The following LETM1 variants were observed in gnomAD, a reference collection of about 807,000 sequenced individuals.
LETM1 encodes the protein leucine zipper and EF-hand containing transmembrane protein 1.
Under a neutral mutation model 74.5 loss-of-function variants are expected in LETM1, and 50 were observed. The ratio of observed to expected loss-of-function variants is 0.67; its 90% CI spans 0.53 to 0.85. The LOEUF is 0.85. Ranked by LOEUF, LETM1 falls within the 40% of genes least tolerant of loss-of-function variation. The pLI is 0.00. For missense variants in LETM1, 824 were observed against 967.8 expected, an observed-to-expected ratio of 0.85 and a Z score of 1.97; for synonymous variants, 446 against 407.1, an observed-to-expected ratio of 1.10 and a Z score of -1.15.
At chr4:1,828,703 C>T (rs1419530515) in intron 6 of LETM1, among the ~76,000 whole-genome samples, 1 of 138,346 alleles carries the variant, frequency 7.2e-6, no homozygotes, top group Non-Finnish European at 1.6e-5. Flanking sequence ...CAACCTCCCT[C>T]CCGGATGGGG....
chr4:1,815,727 G>A lies in LETM1; in HGVS notation c.2007C>T (p.Thr669=). ...TTTCATCCAGTGCTGCGGCCAGGCT[G>A]GTGAGCTTGCTTTCGGGAATGTGCT... ...QVKHIPESKL[T]SLAAALDENK... Residue 669 remains threonine (T), a synonymous_variant, in exon 13 of 14, where the codon ACC becomes ACT. Coordinates refer to ENST00000302787, the MANE Select transcript of LETM1 (RefSeq NM_012318.3). The A allele has an allele frequency of 1.2e-6, 2 of 1,614,248 alleles. No individual in the cohort carries two copies. The highest frequency in any genetic ancestry group is 1.7e-6 in the Non-Finnish European group (2 of 1,180,036).
At chr4:1,819,595 T>A in intron 10 of LETM1, 123 bp from the exon 11 acceptor site, 1 of 1,141,774 alleles carries the variant, frequency 8.8e-7, no homozygotes, top group Non-Finnish European at 1.2e-6. Context: ...CACTGGACAG[T>A]CATTGGTAAC....
intron 6 of LETM1, among the ~76,000 whole-genome samples, chr4:1,829,263 A>T (rs1370851840): frequency 7.9e-6 from 1 of 126,006 alleles, no homozygotes. Context: ...CTGGCCGGGC[A>T]GAGGGGCTCC....
chr4:1,850,953 A>AG (rs2108857699), intron 1 of LETM1, among the ~76,000 whole-genome samples: 1 of 152,028 alleles, frequency 6.6e-6, no homozygotes, highest in African/African-American at 2.4e-5. Flanking sequence ...AAAAAAAAAA[A>AG]AGAGAAGAAC....
At chr4:1,828,602 A>G (rs1460544739) in intron 6 of LETM1, among the ~76,000 whole-genome samples, 2 of 99,890 alleles carry the variant, frequency 2.0e-5, no homozygotes, top group African/African-American at 4.8e-5. Context: ...GGCCGGGCAG[A>G]GGGGCTCCTC....
intron 11 of LETM1, 123 bp downstream of exon 11, chr4:1,819,215 C>T (rs1264328648): frequency 1.1e-5 from 11 of 1,017,480 alleles, no homozygotes; most frequent in Non-Finnish European, 1.1e-5. Context: ...GTGCTTTCCT[C>T]TCCAAATACT....
At chr4:1,852,997 A>G (rs1172210810) in intron 1 of LETM1, among the ~76,000 whole-genome samples, 1 of 152,078 alleles carries the variant, frequency 6.6e-6, no homozygotes, top group East Asian at 1.9e-4. Flanking sequence ...GAGCCTCCCT[A>G]CCTGACCTCC....
At chr4:1,822,917 G>A in intron 9 of LETM1, 71 bp downstream of exon 9, 5 of 1,270,904 alleles carry the variant, frequency 3.9e-6, no homozygotes, top group Non-Finnish European at 5.0e-6. Context: ...CAAGACTGTG[G>A]GCGTGCGGGG....
Position 1,856,079 on chromosome 4 carries a change from C to CCCGTCCGA in LETM1, c.-130_-129insTCGGACGG. On this transcript the variant is annotated 5_prime_UTR_variant, in exon 1 of 14. Transcript: ENST00000302787. ...GACGGCTGACAGAGGCGGCTGGCCTCGGACGGGAGGCGCTCTCCTCAAGGA... is the reference window on the plus strand; with the variant it reads ...GACGGCTGACAGAGGCGGCTGGCCTCCCGTCCGAGGACGGGAGGCGCTCTCCTCAAGGA... 1 of 481,034 alleles carries CCCGTCCGA rather than the reference C, an allele frequency of 2.1e-6. No homozygotes were observed. Among genetic ancestry groups the CCCGTCCGA allele is most frequent in the South Asian group, 1.1e-4 (1 of 9,394 alleles). 29.8% of individuals were successfully genotyped at this position (481,034 alleles called of 1,614,324 possible).
At position 1,841,421 on chromosome 4, in the gene LETM1, C is replaced by G; in HGVS notation, c.520G>C (p.Asp174His). 1 of 1,614,208 alleles carries G rather than the reference C, an allele frequency of 6.2e-7. No individual in the cohort carries two copies. The highest frequency in any genetic ancestry group is 8.5e-7 in the Non-Finnish European group (1 of 1,180,056). Residue 174 changes from aspartate (D) to histidine (H), a missense_variant, in exon 3 of 14, where the codon GAC (aspartate) becomes CAC (histidine). Around this residue, in one of 4 missense-constraint regions of LETM1, gnomAD observed 269 missense variants for 348.8 expected, o/e 0.77. Coordinates refer to ENST00000302787, the MANE Select transcript of LETM1 (RefSeq NM_012318.3). ...AGCATGCGTGCCGCGATCTTGGTGT[C>G]GATCCATAGCAGGCGGAAGCCATGG... ...YYHGFRLLWI[D>H]TKIAARMLWR...
At chr4:1,822,649 G>T in intron 9 of LETM1, 1 of 344,036 alleles carries the variant, frequency 2.9e-6, no homozygotes, top group Non-Finnish European at 5.2e-6. Flanking sequence ...TTGAAGAGGA[G>T]CCCAGAGGCT....
intron 12 of LETM1, among the ~76,000 whole-genome samples, chr4:1,816,036 G>T (rs530695296): frequency 1.2e-3 from 183 of 152,408 alleles, no homozygotes; most frequent in Non-Finnish European, 2.0e-3. Flanking sequence ...GGTTTCCACG[G>T]GCATGTCTGC....
At position 1,814,134 on chromosome 4, in the gene LETM1, G is replaced by A; in HGVS notation, c.*290C>T. The stretch of plus-strand genomic sequence containing the variant: ...TGCTGAGACTGAGGCCACACACATG[G>A]GGGCGCCTTCCTGCCTTGGCCCAGC... On this transcript the variant is annotated 3_prime_UTR_variant, in exon 14 of 14. Transcript: ENST00000302787. 1 of 434,890 alleles carries A rather than the reference G, an allele frequency of 2.3e-6. No homozygotes were observed. The highest frequency in any genetic ancestry group is 2.2e-5 in the South Asian group (1 of 44,728). 26.9% of individuals were successfully genotyped at this position (434,890 alleles called of 1,614,324 possible). A position where few individuals can be genotyped will look rare whatever the true frequency, so the allele number is the denominator to read the frequency against.
chr4:1,830,768 G>A (rs1231016076), intron 6 of LETM1, among the ~76,000 whole-genome samples: 1 of 152,114 alleles, frequency 6.6e-6, no homozygotes, highest in East Asian at 1.9e-4. Flanking sequence ...TTGAGGCCCA[G>A]GTGCAGGGTC....
rs535818289 is a variant in LETM1 at position 1,839,550 on chromosome 4, T to C, written c.594+1797A>G. On this transcript the variant is annotated intron_variant, in intron 3 of 13. Coordinates refer to ENST00000302787, the MANE Select transcript of LETM1 (RefSeq NM_012318.3). ...ATTCAATTCAGTGGCGAGGTGCGCC[T>C]TTCCATAGGTGTGGTTAGTTATGAC... Among the ~76,000 whole-genome samples the C allele has an allele frequency of 2.6e-5, 4 of 152,348 alleles. No individual in the cohort carries two copies. The South Asian group carries it at 6.2e-4, about 24-fold the overall frequency.
At chr4:1,828,331 C>A (rs1462825123) in intron 6 of LETM1, among the ~76,000 whole-genome samples, 5 of 83,206 alleles carry the variant, frequency 6.0e-5, no homozygotes, top group Admixed American at 2.3e-4. Flanking sequence ...GGGGGGCTGA[C>A]CCCCCCCACC....
chr4:1,814,227 G>T lies in LETM1; in HGVS notation c.*197C>A. On this transcript the variant is annotated 3_prime_UTR_variant, in exon 14 of 14. Coordinates refer to ENST00000302787, the MANE Select transcript of LETM1 (RefSeq NM_012318.3). ...AGTGTGGATCCAGACACGATTCTGT[G>T]GAGGGGTTCCGGGATTCCAGACAGA... 1.1e-6 allele frequency: 1 copy of T among 871,804 alleles called. No individual in the cohort carries two copies. Among genetic ancestry groups the T allele is most frequent in the Non-Finnish European group, 1.8e-6 (1 of 569,196 alleles). The allele number at this position is 871,804 out of a possible 1,614,324, so 54.0% of individuals were successfully genotyped here.
chr4:1,832,783 C>T lies in LETM1; in HGVS notation c.1041G>A (p.Gln347=). ...SIGTNNFLRF[Q]LTMRLRSIKA... ...TTATGGAGCGCAGCCGCATGGTAAG[C>T]TGGAAGCGCAGGAAGTTGTTGGTGC... is the stretch of plus-strand genomic sequence containing the variant. The change falls in exon 6 of 14, where the codon CAG becomes CAA. Residue 347 remains glutamine (Q), a synonymous_variant. Transcript: ENST00000302787. 2 of 1,614,212 alleles carry T rather than the reference C, an allele frequency of 1.2e-6. No individual in the cohort carries two copies. Among genetic ancestry groups the T allele is most frequent in the African/African-American group, 1.3e-5 (1 of 75,058 alleles).
Position 1,812,543 on chromosome 4 carries a change from C to G in LETM1, c.*1881G>C, listed in dbSNP as rs1433039411. 6.6e-6 allele frequency: 1 copy of G among 152,210 alleles called. No homozygotes were observed. Among genetic ancestry groups the G allele is most frequent in the East Asian group, 1.9e-4 (1 of 5,332 alleles). The allele number at this position is 152,210 out of a possible 1,614,324, so 9.4% of individuals were successfully genotyped here. Reference sequence around the variant, plus strand: ...TGTAAGAAAGGACTGTTTTAAGAAGCTTATTACACAAAGCTCATATTTCTG... The same window carrying G: ...TGTAAGAAAGGACTGTTTTAAGAAGGTTATTACACAAAGCTCATATTTCTG... On this transcript the variant is annotated 3_prime_UTR_variant, in exon 14 of 14. Transcript: ENST00000302787.
Sources: allele counts gnomAD v4.1 joint callset (sites outside exome capture counted in the v4.1 genomes callset), GRCh38; gene constraint gnomAD v4.1.1; regional missense constraint gnomAD v4.1.1; transcripts MANE v1.5; gene names NCBI Gene and HGNC (gene_info 2026-07-23, HGNC 2026-07-21).